Variants in NFATC1 observed in about 807,000 individuals in gnomAD.
NFATC1 encodes nuclear factor of activated T cells 1, also known as nuclear factor of activated T-cells, cytoplasmic 1.
In NFATC1, 22 loss-of-function variants were observed where a neutral mutation model predicts 76.0. The ratio of observed to expected loss-of-function variants is 0.29; its 90% CI spans 0.21 to 0.41. The LOEUF is 0.41. Among genes scored for constraint, NFATC1 ranks in the 10% least tolerant of loss-of-function variants. The pLI, the probability that NFATC1 is intolerant of heterozygous loss-of-function variation, is 1.00. For missense variants in NFATC1, 1,357 were observed against 1,337.7 expected (o/e 1.01, Z -0.23); for synonymous variants, 704 against 613.1 (o/e 1.15, Z -2.19).
At position 79,410,472 on chromosome 18, in the gene NFATC1, C is replaced by G. The variant is rs148104245; in HGVS notation, c.197C>G (p.Pro66Arg). 1 of 1,612,424 alleles carries G rather than the reference C, an allele frequency of 6.2e-7. No individual in the cohort carries two copies. Among genetic ancestry groups the G allele is most frequent in the South Asian group, 1.1e-5 (1 of 91,060 alleles). Residue 66 changes from proline to arginine, a missense_variant, in exon 2 of 10, where the codon CCG becomes CGG. Physicochemically the swap from Pro to Arg is moderately radical, Grantham distance 103. Around this residue, in one of 3 missense-constraint regions of NFATC1, gnomAD observed 691 missense variants for 613.1 expected, o/e 1.13. Transcript: ENST00000427363. The surrounding 1 kb of genome is among the most constrained non-coding windows in gnomAD (Gnocchi z 6.7). The part of the protein sequence containing the change: ...LPLPTAHSTL[P>R]APCHNLQTST... Reference sequence around the variant, plus strand: ...CTCCCCACGGCGCACTCCACCCTGCCGGCCCCGTGCCACAACCTTCAGACC... The same window carrying G: ...CTCCCCACGGCGCACTCCACCCTGCGGGCCCCGTGCCACAACCTTCAGACC...
At chr18:79,474,558 A>G (rs147080290) in intron 8 of NFATC1, among the ~76,000 whole-genome samples, 4,057 of 135,366 alleles carry the variant, frequency 0.03, 1 homozygote, top group African/African-American at 0.12. Flanking sequence ...AGGGAAGTGT[A>G]TTCTCACGCT....
intron 6 of NFATC1, among the ~76,000 whole-genome samples, chr18:79,454,188 G>A (rs990423178): frequency 2.0e-5 from 3 of 152,292 alleles, no homozygotes; most frequent in Non-Finnish European, 4.4e-5. Context: ...GGGCCCCTGC[G>A]TCTCTCGACT....
intron 9 of NFATC1, among the ~76,000 whole-genome samples, chr18:79,499,124 A>G (rs1317520846): frequency 6.6e-6 from 1 of 152,256 alleles, no homozygotes; most frequent in Non-Finnish European, 1.5e-5. Flanking sequence ...ACTGATGTAA[A>G]AGGAAACTGC....
chr18:79,488,767 G>A (rs1304401746), intron 9 of NFATC1, among the ~76,000 whole-genome samples: 1 of 152,172 alleles, frequency 6.6e-6, no homozygotes, highest in Non-Finnish European at 1.5e-5. Flanking sequence ...TGGTCCCAAG[G>A]CGGCTGGGAG....
Position 79,450,994 on chromosome 18 carries a change from A to G in NFATC1, c.1630A>G (p.Ile544Val). The change falls in exon 5 of 10, where the codon ATT (isoleucine) becomes GTT (valine). Residue 544 changes from isoleucine (I) to valine (V), a missense_variant. Physicochemically the swap from Ile to Val is conservative, Grantham distance 29. This residue lies in a region of NFATC1 where 242 missense variants were observed against 329.2 expected (regional missense o/e 0.74). Transcript: ENST00000427363. ...AGILKLRNSD[I>V]ELRKGETDIG... is the part of the protein sequence containing the mutation. Reference sequence around the variant, plus strand: ...AATCCTGAAACTCAGAAACTCCGACATTGAACTTCGGAAAGGAGAGACGGA... The same window carrying G: ...AATCCTGAAACTCAGAAACTCCGACGTTGAACTTCGGAAAGGAGAGACGGA... The G allele has an allele frequency of 6.2e-7, 1 of 1,613,882 alleles. No individual in the cohort carries two copies. Among genetic ancestry groups the G allele is most frequent in the Non-Finnish European group, 8.5e-7 (1 of 1,179,986 alleles).
chr18:79,425,401 G>A (rs1348506445), intron 2 of NFATC1, among the ~76,000 whole-genome samples: 3 of 152,172 alleles, frequency 2.0e-5, no homozygotes, highest in East Asian at 1.9e-4. Context: ...TGAAACCCTC[G>A]CCCTCCTGAA....
In NFATC1 at chr18:79,410,432, A is replaced by G. The variant is rs199566307; in HGVS notation, c.157A>G (p.Ser53Gly). The G allele has an allele frequency of 6.2e-7, 1 of 1,611,308 alleles. No homozygotes were observed. The highest frequency in any genetic ancestry group is 8.5e-7 in the Non-Finnish European group (1 of 1,179,454). ...EHYGYASSNVSPALPLPTAHS... is the reference protein window; with the variant it reads ...EHYGYASSNVGPALPLPTAHS... ...CTATGGCTATGCATCCTCCAACGTC[A>G]GCCCCGCCCTGCCGCTCCCCACGGC... The change falls in exon 2 of 10, where the codon AGC becomes GGC. Residue 53 changes from serine (S) to glycine (G), a missense_variant. Ser to Gly is a moderately conservative substitution (Grantham distance 56). Around this residue, in one of 3 missense-constraint regions of NFATC1, gnomAD observed 691 missense variants for 613.1 expected, o/e 1.13. Transcript: ENST00000427363. This position sits in a 1 kb window ranked among gnomAD's most constrained non-coding sequence, Gnocchi z 6.7.
chr18:79,451,234 G>C (rs1021403105), intron 5 of NFATC1, 108 bp downstream of exon 5: 32 of 1,339,134 alleles, frequency 2.4e-5, no homozygotes, highest in Non-Finnish European at 3.2e-5. Flanking sequence ...GGACTGAACG[G>C]TTCCCACCAA....
At chr18:79,404,507 A>G (rs2085368655) in intron 1 of NFATC1, among the ~76,000 whole-genome samples, 1 of 152,220 alleles carries the variant, frequency 6.6e-6, no homozygotes, top group Non-Finnish European at 1.5e-5. Context: ...TTTCCAATAC[A>G]TTCACAGTTG....
In NFATC1 at chr18:79,465,170, C is replaced by T. The variant is rs1161793627; in HGVS notation, c.1960-2280C>T. Among the ~76,000 whole-genome samples the T allele has an allele frequency of 6.6e-6, 1 of 152,164 alleles. No homozygotes were observed. Among genetic ancestry groups the T allele is most frequent in the Non-Finnish European group, 1.5e-5 (1 of 68,034 alleles). On this transcript the variant is annotated intron_variant, in intron 7 of 9. Coordinates refer to ENST00000427363, the MANE Select transcript of NFATC1 (RefSeq NM_001278669.2). This position sits in a 1 kb window ranked among gnomAD's most constrained non-coding sequence, Gnocchi z 4.2. ...TTCCGGTACAGACGAGTTTCCCTCT[C>T]CCTTCCTGTTCTTCCGTGTTTCTTC...
At chr18:79,521,464 T>A in intron 9 of NFATC1, among the ~76,000 whole-genome samples, 1 of 82,814 alleles carries the variant, frequency 1.2e-5, no homozygotes, top group Non-Finnish European at 2.3e-5. Flanking sequence ...CATCCACTGA[T>A]GTGTATGTGT....
At position 79,486,578 on chromosome 18, in the gene NFATC1, C is replaced by T; in HGVS notation, c.2423C>T (p.Ala808Val). ...PAVQDVPRPV[A>V]THPGSPGQPP... ...GTCCAGGACGTGCCCAGGCCAGTGG[C>T]CACGCACCCCGGCTCGCCCGGGCAG... The change falls in exon 9 of 10, where the codon GCC (alanine) becomes GTC (valine). Residue 808 changes from alanine to valine, a missense_variant. Physicochemically the swap from Ala to Val is moderately conservative, Grantham distance 64. Around this residue, in one of 3 missense-constraint regions of NFATC1, gnomAD observed 424 missense variants for 395.4 expected, o/e 1.07. Coordinates refer to ENST00000427363, the MANE Select transcript of NFATC1 (RefSeq NM_001278669.2). 6.3e-7 allele frequency: 1 copy of T among 1,590,870 alleles called. No individual in the cohort carries two copies. Among genetic ancestry groups the T allele is most frequent in the Non-Finnish European group, 8.5e-7 (1 of 1,173,232 alleles).
At chr18:79,430,557 A>G (rs1300960045) in intron 2 of NFATC1, among the ~76,000 whole-genome samples, 2 of 151,992 alleles carry the variant, frequency 1.3e-5, no homozygotes, top group African/African-American at 2.4e-5. Context: ...TAATTTTTGT[A>G]TTTTTAGTGG....
At position 79,474,835 on chromosome 18, in the gene NFATC1, C is replaced by T. The variant is rs189595013; in HGVS notation, c.2092+7253C>T. ...TAAACCTGAGGGAAGCGTGTTCTCA[C>T]GCTCGCTGTCAACGTAAACCTGAGG... On this transcript the variant is annotated intron_variant, in intron 8 of 9. Coordinates refer to ENST00000427363, the MANE Select transcript of NFATC1 (RefSeq NM_001278669.2). Among the ~76,000 whole-genome samples the T allele has an allele frequency of 8.3e-5, 12 of 143,914 alleles. 1 individual carries two copies. Among genetic ancestry groups the T allele is most frequent in the African/African-American group, 2.6e-4 (10 of 38,286 alleles). The allele number at this position is 143,914 out of a possible 152,430, so 94.4% of individuals were successfully genotyped here. A position where few individuals can be genotyped will look rare whatever the true frequency, so the allele number is the denominator to read the frequency against.
At chr18:79,415,418 G>A (rs2085843790) in intron 2 of NFATC1, among the ~76,000 whole-genome samples, 1 of 152,000 alleles carries the variant, frequency 6.6e-6, no homozygotes, top group Non-Finnish European at 1.5e-5. Context: ...AAGTAGCTGG[G>A]CCTACAGGCG....
chr18:79,443,511 G>C (rs552470850), intron 3 of NFATC1, among the ~76,000 whole-genome samples: 2 of 152,290 alleles, frequency 1.3e-5, no homozygotes, highest in East Asian at 1.9e-4. Flanking sequence ...CCGTCCCTCG[G>C]GGGGTGGGGA....
At chr18:79,457,179 C>CA (rs1406629950) in intron 6 of NFATC1, among the ~76,000 whole-genome samples, 1 of 152,096 alleles carries the variant, frequency 6.6e-6, no homozygotes, top group Non-Finnish European at 1.5e-5. Flanking sequence ...CGGGCTGAAC[C>CA]CCCAGGCTTC....
intron 9 of NFATC1, chr18:79,497,460 C>G (rs2089918030): frequency 6.6e-6 from 1 of 152,232 alleles, no homozygotes; most frequent in Non-Finnish European, 1.5e-5. Flanking sequence ...TCCCAGGATG[C>G]AGTCCGCATT....
chr18:79,403,188 G>A (rs540612653), intron 1 of NFATC1, among the ~76,000 whole-genome samples: 24 of 152,360 alleles, frequency 1.6e-4, no homozygotes, highest in East Asian at 9.7e-4. Context: ...CTTCCATCTC[G>A]CTGGACTTAG....
Sources: gnomAD v4.1 joint callset for allele counts (sites outside exome capture counted in the v4.1 genomes callset) on GRCh38, gnomAD v4.1.1 for gene constraint, gnomAD v4.1.1 regional missense constraint, Gnocchi (gnomAD v3.1) non-coding constraint, MANE v1.5 for transcripts, NCBI Gene and HGNC (gene_info 2026-07-23, HGNC 2026-07-21) for gene names.